Variants in WWOX observed in about 807,000 individuals in gnomAD.
WWOX encodes the protein WW domain containing oxidoreductase, also known as WW domain-containing oxidoreductase.
Under a neutral mutation model 46.2 loss-of-function variants are expected in WWOX, and 69 were observed. The ratio of observed to expected loss-of-function variants is 1.49; its 90% CI spans 1.23 to 1.82. The LOEUF (loss-of-function observed/expected upper bound fraction) is 1.82, where lower values mean the gene tolerates loss of function less well. Among genes scored for constraint, WWOX ranks in the 40% most tolerant of loss-of-function variants. The pLI is 0.00. For missense variants in WWOX, 919 were observed against 542.6 expected (o/e 1.69, Z -6.89); for synonymous variants, 359 against 202.6 (o/e 1.77, Z -6.56).
At position 78,370,308 on chromosome 16, in the gene WWOX, G is replaced by A. The variant is rs543182565; in HGVS notation, c.517-16552G>A. Among the ~76,000 whole-genome samples, 3 of 152,202 alleles carry A rather than the reference G, an allele frequency of 2.0e-5. No individual in the cohort carries two copies. In the South Asian group the frequency reaches 6.2e-4, roughly 32 times the overall value. The stretch of plus-strand genomic sequence containing the variant: ...ATATTACCACTTACCTCAGAGAGTT[G>A]TTAAATGGGTAAATTCATATGTAAG... On this transcript the variant is annotated intron_variant, in intron 5 of 8. Transcript: ENST00000566780.
chr16:78,806,986 G>A (rs1320774379), intron 8 of WWOX, among the ~76,000 whole-genome samples: 1 of 152,210 alleles, frequency 6.6e-6, no homozygotes, highest in African/African-American at 2.4e-5. Context: ...GTCTTAGCAT[G>A]CTCATCTATG....
intron 2 of WWOX, 124 bp downstream of exon 2, chr16:78,108,611 C>G: frequency 9.7e-7 from 1 of 1,033,352 alleles, no homozygotes. Context: ...AACCAGACTC[C>G]CACTCTGAGG....
intron 8 of WWOX, among the ~76,000 whole-genome samples, chr16:78,943,888 G>T (rs973221459): frequency 6.6e-6 from 1 of 152,184 alleles, no homozygotes; most frequent in East Asian, 1.9e-4. Flanking sequence ...TCCCTGAGAT[G>T]AAGCAGCAGC....
chr16:78,848,291 G>C (rs2052351832), intron 8 of WWOX, among the ~76,000 whole-genome samples: 1 of 150,752 alleles, frequency 6.6e-6, no homozygotes, highest in Non-Finnish European at 1.5e-5. Context: ...TGATGTTGTT[G>C]TTAATGTTGA....
At chr16:78,424,522 A>T (rs2083030169) in intron 6 of WWOX, among the ~76,000 whole-genome samples, 1 of 152,178 alleles carries the variant, frequency 6.6e-6, no homozygotes, top group Admixed American at 6.5e-5. Context: ...TGAATTAAGA[A>T]AGAATTAATC....
chr16:78,159,554 C>T (rs2034714998), intron 4 of WWOX, among the ~76,000 whole-genome samples: 1 of 151,656 alleles, frequency 6.6e-6, no homozygotes, highest in African/African-American at 2.4e-5. Context: ...ACTGTGGTTT[C>T]AATTTGCATT....
intron 8 of WWOX, chr16:78,551,322 T>C (rs796226128): frequency 7.9e-5 from 12 of 152,296 alleles, no homozygotes; most frequent in African/African-American, 2.9e-4. Context: ...TTGTGTAGCA[T>C]TGTCTGAATT....
In WWOX at chr16:78,864,962, C is replaced by T. The variant is rs189832522; in HGVS notation, c.1057-346646C>T. ...ATTTTTAGTAGAGTTGGGGTTTTAC[C>T]ATGTTGGCCAGGCTGGTCTTGAACT... On this transcript the variant is annotated intron_variant, in intron 8 of 8. Transcript: ENST00000566780. 2.3e-3 allele frequency among the ~76,000 whole-genome samples: 355 copies of T among 151,852 alleles called. 4 individuals are homozygous for T. Among genetic ancestry groups the T allele is most frequent in the African/African-American group, 8.3e-3 (342 of 41,394 alleles).
chr16:79,209,396 T>C (rs1274006239), intron 8 of WWOX, among the ~76,000 whole-genome samples: 1 of 152,206 alleles, frequency 6.6e-6, no homozygotes, highest in Non-Finnish European at 1.5e-5. Context: ...TAGGAAGAAT[T>C]CTGCTTTTTG....
intron 1 of WWOX, among the ~76,000 whole-genome samples, chr16:78,104,360 TAC>T (rs35617570): frequency 2.0e-3 from 301 of 147,642 alleles, no homozygotes; most frequent in African/African-American, 6.9e-3. Context: ...TGCACGCACA[TAC>T]ACACACACAC....
chr16:78,660,654 T>A (rs2047188627), intron 8 of WWOX, among the ~76,000 whole-genome samples: 1 of 152,134 alleles, frequency 6.6e-6, no homozygotes, highest in African/African-American at 2.4e-5. Flanking sequence ...GAATAGAAGC[T>A]CAGGATAAAC....
chr16:78,213,059 C>T (rs1048383240), intron 5 of WWOX, among the ~76,000 whole-genome samples: 1 of 151,882 alleles, frequency 6.6e-6, no homozygotes, highest in Non-Finnish European at 1.5e-5. Flanking sequence ...TCGAGACCAG[C>T]CTGGCCAATA....
At chr16:78,532,149 G>A (rs1289212949) in intron 8 of WWOX, among the ~76,000 whole-genome samples, 1 of 151,790 alleles carries the variant, frequency 6.6e-6, no homozygotes, top group Non-Finnish European at 1.5e-5. Flanking sequence ...TAATGCTAGA[G>A]ACATTCAGCA....
rs917799626 is a variant in WWOX, at chr16:78,452,301, A to AT, written c.1056+19558dup. On this transcript the variant is annotated intron_variant, in intron 8 of 8. Coordinates refer to ENST00000566780, the MANE Select transcript of WWOX (RefSeq NM_016373.4). ...CTGTCTTCAGATTTAGATTTTTTCA[A>AT]TTTTTTTTTACTGTCATATGATTCA... 1.6e-4 allele frequency among the ~76,000 whole-genome samples: 24 copies of AT among 151,286 alleles called. No individual in the cohort carries two copies. In the East Asian group the frequency reaches 2.7e-3, roughly 17 times the overall value.
chr16:78,600,297 C>T (rs540995204), intron 8 of WWOX, among the ~76,000 whole-genome samples: 7 of 152,068 alleles, frequency 4.6e-5, no homozygotes, highest in African/African-American at 1.4e-4. Context: ...ACAGGGTCAC[C>T]TGTAGGTTAC....
At chr16:78,835,102 C>T (rs2051942471) in intron 8 of WWOX, among the ~76,000 whole-genome samples, 1 of 152,094 alleles carries the variant, frequency 6.6e-6, no homozygotes, top group Non-Finnish European at 1.5e-5. Flanking sequence ...AAAAATGAAG[C>T]CCAAGGATCT....
At chr16:78,323,142 C>T (rs576972362) in intron 5 of WWOX, among the ~76,000 whole-genome samples, 2 of 152,232 alleles carry the variant, frequency 1.3e-5, no homozygotes, top group South Asian at 4.2e-4. Context: ...GAGTCTTGCT[C>T]TGTTGCCCAG....
rs558844130 is a variant in WWOX, at chr16:79,026,380, A to T, written c.1057-185228A>T. Among the ~76,000 whole-genome samples the T allele has an allele frequency of 7.9e-5, 12 of 151,600 alleles. 1 individual carries two copies. The highest frequency in any genetic ancestry group is 2.9e-4 in the African/African-American group (12 of 41,026). Reference sequence around the variant, plus strand: ...CTCAGCTCACACATCACATCTTCTGAGATACCTTCCAGACTCCCCTGGCCA... The same window carrying T: ...CTCAGCTCACACATCACATCTTCTGTGATACCTTCCAGACTCCCCTGGCCA... On this transcript the variant is annotated intron_variant, in intron 8 of 8. Coordinates refer to ENST00000566780, the MANE Select transcript of WWOX (RefSeq NM_016373.4).
chr16:78,270,008 A>G (rs12444769), intron 5 of WWOX, among the ~76,000 whole-genome samples: 94,523 of 150,812 alleles, frequency 0.63, 30,825 homozygotes, highest in East Asian at 0.88. Flanking sequence ...TTAACTAAAG[A>G]TACTTTTTCA....
Sources: gnomAD v4.1 joint callset for allele counts (sites outside exome capture counted in the v4.1 genomes callset) on GRCh38, gnomAD v4.1.1 for gene constraint, MANE v1.5 for transcripts, NCBI Gene and HGNC (gene_info 2026-07-23, HGNC 2026-07-21) for gene names.